Variants in ASRGL1 observed in about 807,000 individuals in gnomAD.
ASRGL1 encodes the protein asparaginase and isoaspartyl peptidase 1.
In ASRGL1, 16 loss-of-function variants were observed where a neutral mutation model predicts 22.4. That is an observed-to-expected ratio of 0.71 (90% CI 0.48 to 1.08). The LOEUF (loss-of-function observed/expected upper bound fraction) is 1.08, where lower values mean the gene tolerates loss of function less well. ASRGL1 is among the 50% of genes least tolerant of loss of function. The probability of loss-of-function intolerance (pLI) is 0.00; values close to 1 mark genes in which losing one functional copy is unlikely to be tolerated. For synonymous variants in ASRGL1, 165 were observed against 159.3 expected, an observed-to-expected ratio of 1.04 and a Z score of -0.27; for missense variants, 412 against 410.1, an observed-to-expected ratio of 1.00 and a Z score of -0.04.
intron 4 of ASRGL1, among the ~76,000 whole-genome samples, chr11:62,370,561 T>A (rs1173776609): frequency 6.6e-6 from 1 of 152,096 alleles, no homozygotes; most frequent in Non-Finnish European, 1.5e-5. Flanking sequence ...TTCTCCCCAT[T>A]CCCAAGGGTA....
chr11:62,392,453 C>G lies in ASRGL1; in HGVS notation c.*169C>G. ...TTTGGTTGTGGGGCGGGTTCTGAAG[C>G]GATGAGAGAAATGCCCGTATTAGGA... On this transcript the variant is annotated 3_prime_UTR_variant, in exon 7 of 7. Transcript: ENST00000415229. The G allele has an allele frequency of 1.2e-6, 1 of 805,766 alleles. No individual in the cohort carries two copies. Among genetic ancestry groups the G allele is most frequent in the Non-Finnish European group, 1.9e-6 (1 of 514,746 alleles). 49.9% of individuals were successfully genotyped at this position (805,766 alleles called of 1,614,324 possible).
intron 2 of ASRGL1, among the ~76,000 whole-genome samples, chr11:62,345,732 A>G (rs770517365): frequency 8.5e-5 from 13 of 152,170 alleles, no homozygotes; most frequent in Non-Finnish European, 1.6e-4. Flanking sequence ...CCAATTTATT[A>G]TAAAGAATAT....
chr11:62,397,317 C>T (rs1160435392), downstream of ASRGL1, among the ~76,000 whole-genome samples: 1 of 151,860 alleles, frequency 6.6e-6, no homozygotes, highest in Non-Finnish European at 1.5e-5. Context: ...CGTGAGCCAC[C>T]GTGCCCGGCC....
chr11:62,366,981 GA>G (rs1946626205), intron 4 of ASRGL1, among the ~76,000 whole-genome samples: 1 of 152,012 alleles, frequency 6.6e-6, no homozygotes, highest in South Asian at 2.1e-4. Context: ...GAGGCGGGTG[GA>G]TCACTTGAGC....
At chr11:62,365,588 A>G (rs1946592904) in intron 4 of ASRGL1, among the ~76,000 whole-genome samples, 3 of 148,840 alleles carry the variant, frequency 2.0e-5, no homozygotes, top group Admixed American at 2.0e-4. Context: ...GGTGGCTCAC[A>G]CCTGTAATCC....
intron 5 of ASRGL1, 81 bp from the exon 6 acceptor site, chr11:62,391,441 C>T: frequency 2.7e-6 from 4 of 1,503,556 alleles, no homozygotes; most frequent in Non-Finnish European, 3.6e-6. Context: ...CGCGATTTAA[C>T]TTTCATGTAG....
chr11:62,389,335 G>A (rs571181383), intron 5 of ASRGL1, 84 bp downstream of exon 5: 207 of 1,267,588 alleles, frequency 1.6e-4, no homozygotes, highest in Middle Eastern at 5.5e-4. Flanking sequence ...GCCCCTCTCC[G>A]TTTCTTGCTG....
At chr11:62,386,431 A>G (rs1004197727) in intron 4 of ASRGL1, among the ~76,000 whole-genome samples, 1 of 68,528 alleles carries the variant, frequency 1.5e-5, no homozygotes, top group African/African-American at 3.3e-5. Flanking sequence ...TAATTTATCA[A>G]TTAAACTTTA....
chr11:62,365,822 T>C (rs975270748), intron 4 of ASRGL1, among the ~76,000 whole-genome samples: 3 of 152,128 alleles, frequency 2.0e-5, no homozygotes, highest in Non-Finnish European at 4.4e-5. Context: ...GCATTTCAGC[T>C]TGGGCGAAAG....
chr11:62,391,519 C>T lies in ASRGL1; in HGVS notation c.611-3C>T. 1 of 1,607,338 alleles carries T rather than the reference C, an allele frequency of 6.2e-7. No individual in the cohort carries two copies. The highest frequency in any genetic ancestry group is 8.5e-7 in the Non-Finnish European group (1 of 1,176,792). On this transcript the variant is annotated splice_polypyrimidine_tract_variant and splice_region_variant and intron_variant, in intron 5 of 6. Transcript: ENST00000415229. ...GCTCAGAACAATCACCCTTTTTGAG[C>T]AGGAGCTGGAGGTTATGCCGACAAT...
At chr11:62,389,297 C>T in intron 5 of ASRGL1, 46 bp downstream of exon 5, 3 of 1,524,456 alleles carry the variant, frequency 2.0e-6, no homozygotes, top group Non-Finnish European at 1.8e-6. Context: ...TTCTCCCGCC[C>T]TCAGGCTTTC....
chr11:62,400,438 G>A, the ASRGL1 span, among the ~76,000 whole-genome samples: 1 of 152,166 alleles, frequency 6.6e-6, no homozygotes, highest in Non-Finnish European at 1.5e-5. Flanking sequence ...TCACCAGCCA[G>A]CAGCTTCTGA....
At chr11:62,396,959 C>T (rs1174936406), downstream of ASRGL1, among the ~76,000 whole-genome samples, 1 of 152,210 alleles carries the variant, frequency 6.6e-6, no homozygotes, top group Non-Finnish European at 1.5e-5. Context: ...CTCTCAGCAG[C>T]CACCGGCCTC....
At chr11:62,389,087 A>C in intron 4 of ASRGL1, 46 bp from the exon 5 acceptor site, 1 of 1,508,464 alleles carries the variant, frequency 6.6e-7, no homozygotes, top group Non-Finnish European at 9.2e-7. Flanking sequence ...TATGGTGTTC[A>C]TTCTCATTTT....
chr11:62,365,421 G>T (rs187585474), intron 4 of ASRGL1, among the ~76,000 whole-genome samples: 91 of 151,992 alleles, frequency 6.0e-4, no homozygotes, highest in African/African-American at 2.2e-3. Flanking sequence ...GGGCATGGTG[G>T]TGGGCGCCTG....
chr11:62,363,848 G>A (rs1946542628), intron 4 of ASRGL1, among the ~76,000 whole-genome samples: 1 of 152,092 alleles, frequency 6.6e-6, no homozygotes, highest in East Asian at 1.9e-4. Flanking sequence ...GTCAATAGAA[G>A]TCACGTTAAG....
downstream of ASRGL1, among the ~76,000 whole-genome samples, chr11:62,397,442 G>T (rs2134715366): frequency 6.6e-6 from 1 of 152,254 alleles, no homozygotes; most frequent in Non-Finnish European, 1.5e-5. Flanking sequence ...GAAGCGGGCA[G>T]ATCACCTGAG....
rs1947364399 is a variant in ASRGL1 at position 62,392,470 on chromosome 11, G to GT, written c.*187dup. The GT allele has an allele frequency of 2.9e-6, 2 of 678,000 alleles. No individual in the cohort carries two copies. The highest frequency in any genetic ancestry group is 4.9e-6 in the Non-Finnish European group (2 of 405,144). 42.0% of individuals were successfully genotyped at this position (678,000 alleles called of 1,614,324 possible). ...TTCTGAAGCGATGAGAGAAATGCCC[G>GT]TATTAGGAGGATTACTTGAGCCCAG... On this transcript the variant is annotated 3_prime_UTR_variant, in exon 7 of 7. Transcript: ENST00000415229.
intron 2 of ASRGL1, among the ~76,000 whole-genome samples, chr11:62,354,261 C>T (rs989150843): frequency 1.2e-4 from 19 of 152,272 alleles, no homozygotes; most frequent in Non-Finnish European, 2.5e-4. Context: ...GTAAAAACAA[C>T]AGCATGTGCA....
Sources: allele counts gnomAD v4.1 joint callset (sites outside exome capture counted in the v4.1 genomes callset), GRCh38; gene constraint gnomAD v4.1.1; transcripts MANE v1.5; gene names NCBI Gene and HGNC (gene_info 2026-07-23, HGNC 2026-07-21).